HEPH: variants seen among roughly 807,000 people sequenced by gnomAD.
The protein encoded by HEPH is hephaestin.
A neutral mutation model predicts 80.8 loss-of-function variants in HEPH; 69 were observed. The ratio of observed to expected loss-of-function variants is 0.85; its 90% confidence interval spans 0.70 to 1.04. HEPH has a LOEUF of 1.04. Among genes scored for constraint, HEPH ranks in the 50% least tolerant of loss-of-function variants. The pLI, the probability that HEPH is intolerant of heterozygous loss-of-function variation, is 0.00. For synonymous variants in HEPH, 431 were observed against 322.8 expected (o/e 1.34, Z -3.60); for missense variants, 1,115 against 891.3 (o/e 1.25, Z -3.20).
At chrX:66,253,990 G>C (rs1156264652) in intron 15 of HEPH, among the ~76,000 whole-genome samples, 1 of 111,110 alleles carries the variant, frequency 9.0e-6, no homozygotes. Context: ...AGTTTTTTTG[G>C]TGGTAATGAA....
In HEPH at chrX:66,189,883, G is replaced by T. The variant is rs763487548; in HGVS notation, c.1008G>T (p.Val336=). ...FPATFVTAEM[V]PWEPGTWLIS... ...CCACCTTTGTGACTGCTGAGATGGT[G>T]CCCTGGGAACCTGGTACCTGGTTAA... The change falls in exon 6 of 21, where the codon GTG becomes GTT. Residue 336 remains valine, a synonymous_variant. Transcript: ENST00000343002. The T allele has an allele frequency of 2.5e-6, 3 of 1,198,527 alleles. No individual in the cohort carries two copies. The highest frequency in any genetic ancestry group is 2.3e-6 in the Non-Finnish European group (2 of 888,211).
At chrX:66,262,150 A>G (rs1418296108) in intron 19 of HEPH, among the ~76,000 whole-genome samples, 1 of 111,971 alleles carries the variant, frequency 8.9e-6, no homozygotes, top group Non-Finnish European at 1.9e-5. Flanking sequence ...TTTCAACTCC[A>G]TGTGTGTTAA....
chrX:66,176,169 A>G (rs1366531182), intron 4 of HEPH, among the ~76,000 whole-genome samples: 5 of 111,818 alleles, frequency 4.5e-5, no homozygotes, highest in Non-Finnish European at 1.9e-5. Flanking sequence ...TATGGCTTTT[A>G]TTACATTGGA....
chrX:66,186,516 C>T (rs2087450282), intron 4 of HEPH, among the ~76,000 whole-genome samples: 1 of 113,051 alleles, frequency 8.8e-6, no homozygotes, highest in East Asian at 2.8e-4. Flanking sequence ...AACTCCCTGA[C>T]CCCTTGTGCT....
At chrX:66,246,813 T>C (rs1040081136) in intron 15 of HEPH, among the ~76,000 whole-genome samples, 1 of 112,337 alleles carries the variant, frequency 8.9e-6, no homozygotes. Context: ...TCTCTGTTGA[T>C]TGGCCTTCAG....
intron 15 of HEPH, among the ~76,000 whole-genome samples, chrX:66,237,083 C>A (rs1602470959): frequency 9.1e-6 from 1 of 110,138 alleles, no homozygotes; most frequent in Non-Finnish European, 1.9e-5. Context: ...ATTCATTAAT[C>A]TTTTGAATTT....
rs767184080 is a variant in HEPH, at chrX:66,198,977, C to T, written c.1813C>T (p.Arg605Ter). Residue 605 changes from arginine (R) to a stop codon, truncating the protein, a stop_gained, in exon 11 of 21, where the codon CGA becomes TGA. Transcript: ENST00000343002. LOFTEE classifies it high-confidence loss of function. ...ANQAAAMLDF[R>*]LLSEDIEGFQ... ...TCAAGCAGCTGCTATGTTGGATTTCCGACTGCTTTCAGAGGATATTGAGGG... is the reference window on the plus strand; with the variant it reads ...TCAAGCAGCTGCTATGTTGGATTTCTGACTGCTTTCAGAGGATATTGAGGG... 4.1e-6 allele frequency: 5 copies of T among 1,210,785 alleles called. No homozygotes were observed. The highest frequency in any genetic ancestry group is 1.8e-5 in the South Asian group (1 of 56,927).
At chrX:66,257,768 G>A (rs1232962800) in intron 17 of HEPH, among the ~76,000 whole-genome samples, 1 of 111,886 alleles carries the variant, frequency 8.9e-6, no homozygotes, top group Non-Finnish European at 1.9e-5. Context: ...CCACAATTTG[G>A]TAGAGGTAGA....
In HEPH at chrX:66,256,183, A is replaced by G. The variant is rs764244420; in HGVS notation, c.2749A>G (p.Met917Val). ...GGAGCCCCATGGAGGACGGAGTGAC[A>G]TGGATCGGGAATTTGCATTGTTGTT... ...ILEPHGGRSDMDREFALLFLI... is the reference protein window; with the variant it reads ...ILEPHGGRSDVDREFALLFLI... Residue 917 changes from methionine (M) to valine (V), a missense_variant, in exon 17 of 21, where the codon ATG becomes GTG. Met to Val is a conservative substitution (Grantham distance 21). This residue lies in a region of HEPH where 716 missense variants were observed against 523.5 expected (regional missense o/e 1.37). Coordinates refer to ENST00000343002, the MANE Select transcript of HEPH (RefSeq NM_001367233.3). 1 of 1,211,471 alleles carries G rather than the reference A, an allele frequency of 8.3e-7. No homozygotes were observed. The highest frequency in any genetic ancestry group is 3.0e-5 in the East Asian group (1 of 33,809).
intron 15 of HEPH, among the ~76,000 whole-genome samples, chrX:66,219,611 G>T (rs2089549981): frequency 9.0e-6 from 1 of 111,575 alleles, no homozygotes; most frequent in Admixed American, 9.5e-5. Flanking sequence ...GAGCTGTCTT[G>T]TGCCAAAGTA....
intron 10 of HEPH, 100 bp from the exon 11 acceptor site, chrX:66,198,778 A>G: frequency 3.1e-6 from 2 of 647,755 alleles, no homozygotes; most frequent in Non-Finnish European, 4.8e-6. Flanking sequence ...GGAAAAGGAA[A>G]TGGGAAAGAA....
At chrX:66,201,356 TTCTCTCTA>T (rs949866256) in intron 12 of HEPH, among the ~76,000 whole-genome samples, 32 of 110,873 alleles carry the variant, frequency 2.9e-4, no homozygotes, top group African/African-American at 1.1e-3. Context: ...ATTACTTCCC[TTCTCTCTA>T]GCTAGATTTC....
chrX:66,268,781 A>G (rs988866708), downstream of HEPH: 2 of 112,063 alleles, frequency 1.8e-5, no homozygotes, highest in African/African-American at 6.5e-5. Context: ...TGCTCCAAGT[A>G]GGGATACAAG....
chrX:66,211,455 C>T, intron 15 of HEPH, among the ~76,000 whole-genome samples: 1 of 111,066 alleles, frequency 9.0e-6, no homozygotes. Flanking sequence ...TATTTGTACC[C>T]TTTAAATCAG....
rs866736575 is a variant in HEPH at position 66,180,396 on chromosome X, G to T, written c.625+6595G>T. Among the ~76,000 whole-genome samples, 57 of 110,721 alleles carry T rather than the reference G, an allele frequency of 5.1e-4. 1 individual carries two copies. Among genetic ancestry groups the T allele is most frequent in the Non-Finnish European group, 3.8e-4 (20 of 52,921 alleles). Reference sequence around the variant, plus strand: ...AGTTTTGCTGGATACAGAATTCTCGGCTGATAATTGTTTTGTTTGTGGAAG... The same window carrying T: ...AGTTTTGCTGGATACAGAATTCTCGTCTGATAATTGTTTTGTTTGTGGAAG... On this transcript the variant is annotated intron_variant, in intron 4 of 20. Coordinates refer to ENST00000343002, the MANE Select transcript of HEPH (RefSeq NM_001367233.3).
chrX:66,210,978 G>T (rs1257491717), intron 15 of HEPH, among the ~76,000 whole-genome samples: 1 of 111,401 alleles, frequency 9.0e-6, no homozygotes, highest in Non-Finnish European at 1.9e-5. Flanking sequence ...AAACATCGAG[G>T]TGGAAATGAG....
intron 5 of HEPH, among the ~76,000 whole-genome samples, chrX:66,189,214 G>T (rs1358724995): frequency 1.8e-5 from 2 of 112,409 alleles, no homozygotes; most frequent in African/African-American, 3.2e-5. Flanking sequence ...GAAGGAAGAT[G>T]TAAAGGATGG....
At chrX:66,243,340 G>C (rs2090676026) in intron 15 of HEPH, among the ~76,000 whole-genome samples, 1 of 112,233 alleles carries the variant, frequency 8.9e-6, no homozygotes, top group African/African-American at 3.2e-5. Flanking sequence ...TGTACTTGAG[G>C]GTGGAGGATG....
At chrX:66,170,419 G>C (rs972799087) in intron 1 of HEPH, 139 bp from the exon 2 acceptor site, 41 of 455,524 alleles carry the variant, frequency 9.0e-5, no homozygotes, top group Non-Finnish European at 1.2e-4. Flanking sequence ...AATCAGGTAA[G>C]TTAAAGAAAC....
Sources: gnomAD v4.1 joint callset for allele counts (sites outside exome capture counted in the v4.1 genomes callset) on GRCh38, gnomAD v4.1.1 for gene constraint, gnomAD v4.1.1 regional missense constraint, MANE v1.5 for transcripts, NCBI Gene and HGNC (gene_info 2026-07-23, HGNC 2026-07-21) for gene names.